Variants in CLPB observed in about 807,000 individuals in gnomAD.
CLPB encodes mitochondrial disaggregase.
In CLPB, 40 loss-of-function variants were observed where a neutral mutation model predicts 78.4. The ratio of observed to expected loss-of-function variants is 0.51; its 90% CI spans 0.40 to 0.66. The LOEUF (loss-of-function observed/expected upper bound fraction) is 0.66, where lower values mean the gene tolerates loss of function less well. CLPB is among the 30% of genes least tolerant of loss of function. The probability of loss-of-function intolerance (pLI) is 0.00; values close to 1 mark genes in which losing one functional copy is unlikely to be tolerated. For synonymous variants in CLPB, 333 were observed against 348.0 expected (o/e 0.96, Z 0.48); for missense variants, 780 against 886.9 (o/e 0.88, Z 1.53).
chr11:72,296,154 G>T (rs1260847630), intron 11 of CLPB, among the ~76,000 whole-genome samples: 1 of 152,162 alleles, frequency 6.6e-6, no homozygotes, highest in Admixed American at 6.5e-5. Context: ...TTCAGAGGAG[G>T]GTACTTTACA....
Position 72,434,518 on chromosome 11 carries a change from T to C in CLPB, c.-44A>G. On this transcript the variant is annotated 5_prime_UTR_variant, in exon 1 of 16. Coordinates refer to ENST00000538039, the MANE Select transcript of CLPB (RefSeq NM_001258392.3). ...AACCCCGTGGTGCCGGCCCCTGTGC[T>C]GACCACGTCCAACATGGCTGCCGCG... 6.6e-7 allele frequency: 1 copy of C among 1,511,960 alleles called. No homozygotes were observed. Among genetic ancestry groups the C allele is most frequent in the Non-Finnish European group, 8.8e-7 (1 of 1,130,730 alleles). The allele number at this position is 1,511,960 out of a possible 1,614,324, so 93.7% of individuals were successfully genotyped here.
At chr11:72,368,376 G>A (rs930207200) in intron 4 of CLPB, among the ~76,000 whole-genome samples, 3 of 152,102 alleles carry the variant, frequency 2.0e-5, no homozygotes, top group Admixed American at 6.5e-5. Context: ...TTCATTAAAC[G>A]AAGAAACTGA....
chr11:72,354,925 G>A (rs574567307), intron 5 of CLPB, among the ~76,000 whole-genome samples: 3 of 152,162 alleles, frequency 2.0e-5, no homozygotes, highest in South Asian at 2.1e-4. Flanking sequence ...TTGTCCAGGC[G>A]CCTGCCAGAG....
At chr11:72,350,596 A>T (rs1418887889) in intron 5 of CLPB, among the ~76,000 whole-genome samples, 2 of 152,252 alleles carry the variant, frequency 1.3e-5, no homozygotes, top group Non-Finnish European at 2.9e-5. Context: ...AAATAATAAC[A>T]GGAAATCAAT....
At chr11:72,318,013 T>A (rs1412791964) in intron 6 of CLPB, among the ~76,000 whole-genome samples, 9 of 152,264 alleles carry the variant, frequency 5.9e-5, no homozygotes, top group Non-Finnish European at 1.3e-4. Context: ...CGCAACCATT[T>A]TCCTCAAGGG....
chr11:72,385,236 A>G (rs17162135), intron 3 of CLPB, among the ~76,000 whole-genome samples: 1,638 of 152,292 alleles, frequency 0.011, 34 homozygotes, highest in East Asian at 0.063. Context: ...CAGTGGCTGT[A>G]TAAGAAGAGG....
In CLPB at chr11:72,288,875, G is replaced by A. The variant is rs897753159; in HGVS notation, c.*4492C>T. ...CTAGGAGTTCTGGCAGAGAATCTCT[G>A]GAAGAAGTAATTCTTTTTTTGTTTG... is the stretch of plus-strand genomic sequence containing the variant. On this transcript the variant is annotated 3_prime_UTR_variant, in exon 16 of 16. Coordinates refer to ENST00000538039, the MANE Select transcript of CLPB (RefSeq NM_001258392.3). The A allele has an allele frequency of 3.3e-5, 5 of 152,152 alleles. No individual in the cohort carries two copies. The highest frequency in any genetic ancestry group is 5.9e-5 in the Non-Finnish European group (4 of 68,050). 9.4% of individuals were successfully genotyped at this position (152,152 alleles called of 1,614,324 possible). A position where few individuals can be genotyped will look rare whatever the true frequency, so the allele number is the denominator to read the frequency against.
At chr11:72,307,130 A>G (rs1397028349) in intron 9 of CLPB, 69 bp downstream of exon 9, 2 of 1,434,540 alleles carry the variant, frequency 1.4e-6, no homozygotes, top group African/African-American at 2.8e-5. Flanking sequence ...AGAGGGTCAG[A>G]TTTTTTGGGA....
intron 9 of CLPB, among the ~76,000 whole-genome samples, chr11:72,306,779 C>T (rs1012684962): frequency 2.0e-5 from 3 of 152,244 alleles, no homozygotes; most frequent in Non-Finnish European, 2.9e-5. Flanking sequence ...CATGACTGCA[C>T]TGAACAGTAA....
intron 5 of CLPB, chr11:72,332,652 C>T (rs1224165538): frequency 6.6e-6 from 1 of 152,194 alleles, no homozygotes; most frequent in African/African-American, 2.4e-5. Flanking sequence ...ACCCCCAGCC[C>T]CAGCAACCAT....
At chr11:72,328,735 C>T (rs1229394845) in intron 6 of CLPB, among the ~76,000 whole-genome samples, 1 of 152,250 alleles carries the variant, frequency 6.6e-6, no homozygotes, top group African/African-American at 2.4e-5. Flanking sequence ...ACTGAACCTA[C>T]CACATGACCT....
intron 5 of CLPB, among the ~76,000 whole-genome samples, chr11:72,339,346 G>GCTGGA (rs1950376430): frequency 6.6e-6 from 1 of 152,184 alleles, no homozygotes; most frequent in Non-Finnish European, 1.5e-5. Flanking sequence ...GAGGGTTTAG[G>GCTGGA]CTGGACATTT....
chr11:72,405,725 G>A (rs1460780433), intron 2 of CLPB, among the ~76,000 whole-genome samples: 5 of 152,050 alleles, frequency 3.3e-5, no homozygotes, highest in African/African-American at 4.8e-5. Flanking sequence ...TCAGGAGATC[G>A]AGACCATCCT....
At position 72,286,892 on chromosome 11, in the gene CLPB, C is replaced by T. The variant is rs1044434346; in HGVS notation, c.*6475G>A. ...TTTACCTTTAACCTCTAAATACTTA[C>T]ATTTTCTGAAAACAAGGACGTTCTC... On this transcript the variant is annotated 3_prime_UTR_variant, in exon 16 of 16. Transcript: ENST00000538039. 9 of 151,968 alleles carry T rather than the reference C, an allele frequency of 5.9e-5. No homozygotes were observed. The highest frequency in any genetic ancestry group is 2.2e-4 in the African/African-American group (9 of 41,478). 9.4% of individuals were successfully genotyped at this position (151,968 alleles called of 1,614,324 possible).
At chr11:72,397,676 GC>G (rs1855448847) in intron 3 of CLPB, among the ~76,000 whole-genome samples, 1 of 152,010 alleles carries the variant, frequency 6.6e-6, no homozygotes, top group Non-Finnish European at 1.5e-5. Flanking sequence ...AAAATATTTT[GC>G]CCATTTAAAA....
At position 72,305,323 on chromosome 11, in the gene CLPB, C is replaced by T. The variant is rs150281665; in HGVS notation, c.1122+1876G>A. Among the ~76,000 whole-genome samples, 62 of 152,362 alleles carry T rather than the reference C, an allele frequency of 4.1e-4. 1 individual carries two copies. Among genetic ancestry groups the T allele is most frequent in the African/African-American group, 1.4e-3 (59 of 41,592 alleles). On this transcript the variant is annotated intron_variant, in intron 9 of 15. Transcript: ENST00000538039. ...AAGTGGGTCTAATTTAGCATCCATGCTATCTTCCCCATAGGATCAAATGGG... is the reference window on the plus strand; with the variant it reads ...AAGTGGGTCTAATTTAGCATCCATGTTATCTTCCCCATAGGATCAAATGGG...
intron 11 of CLPB, 71 bp from the exon 12 acceptor site, chr11:72,295,719 C>T: frequency 2.0e-6 from 3 of 1,503,732 alleles, no homozygotes; most frequent in Non-Finnish European, 1.8e-6. Context: ...ACTCTCAGTT[C>T]TCACCTCCTT....
chr11:72,393,783 T>C lies in CLPB; in HGVS notation c.542+9183A>G, dbSNP rs560874505. Among the ~76,000 whole-genome samples, 6 of 152,356 alleles carry C rather than the reference T, an allele frequency of 3.9e-5. No individual in the cohort carries two copies. The South Asian group carries it at 1.2e-3, about 32-fold the overall frequency. The stretch of plus-strand genomic sequence containing the variant: ...TTTTAGTATTGCTAAGTTTTGCACG[T>C]TGGGTTTTACAGTTGGTTTTTAATT... On this transcript the variant is annotated intron_variant, in intron 3 of 15. Transcript: ENST00000538039.
chr11:72,321,006 C>G (rs966268423), intron 6 of CLPB, among the ~76,000 whole-genome samples: 1 of 152,156 alleles, frequency 6.6e-6, no homozygotes, highest in Admixed American at 6.5e-5. Flanking sequence ...AGCCACCGCT[C>G]CCGGCAATGA....
Sources: allele counts gnomAD v4.1 joint callset (sites outside exome capture counted in the v4.1 genomes callset), GRCh38; gene constraint gnomAD v4.1.1; transcripts MANE v1.5; gene names NCBI Gene and HGNC (gene_info 2026-07-23, HGNC 2026-07-21).